Variants in PCDHAC2 observed in about 807,000 individuals in gnomAD.
The protein encoded by PCDHAC2 is protocadherin alpha subfamily C, 2.
PCDHAC2 carries 24 observed loss-of-function variants against 63.3 expected under a neutral mutation model. That is an observed-to-expected ratio of 0.38 (90% CI 0.27 to 0.53). The LOEUF (loss-of-function observed/expected upper bound fraction) is 0.53, where lower values mean the gene tolerates loss of function less well. Among genes scored for constraint, PCDHAC2 ranks in the 20% least tolerant of loss-of-function variants. The pLI is 0.81. For synonymous variants in PCDHAC2, 569 were observed against 529.4 expected (o/e 1.07, Z -1.03); for missense variants, 1,181 against 1,275.2 (o/e 0.93, Z 1.12).
Position 140,967,413 on chromosome 5 carries a change from A to G in PCDHAC2, c.647A>G (p.Asp216Gly). 6.2e-7 allele frequency: 1 copy of G among 1,613,218 alleles called. No individual in the cohort carries two copies. The highest frequency in any genetic ancestry group is 8.5e-7 in the Non-Finnish European group (1 of 1,179,668). ...VLELVLRKGL[D>G]REQAALHHLV... is the part of the protein sequence containing the mutation. ...GAGCTGGTGCTGCGTAAGGGCCTAGACCGGGAGCAGGCAGCCTTGCACCAC... is the reference window on the plus strand; with the variant it reads ...GAGCTGGTGCTGCGTAAGGGCCTAGGCCGGGAGCAGGCAGCCTTGCACCAC... Residue 216 changes from aspartate (D) to glycine (G), a missense_variant, in exon 1 of 4, where the codon GAC becomes GGC. By Grantham distance (94) the Asp-to-Gly change is moderately conservative. Around this residue, in one of 3 missense-constraint regions of PCDHAC2, gnomAD observed 968 missense variants for 1,073.5 expected, o/e 0.90. Coordinates refer to ENST00000289269, the MANE Select transcript of PCDHAC2 (RefSeq NM_018899.6).
At chr5:141,000,011 C>T (rs548995159) in intron 3 of PCDHAC2, among the ~76,000 whole-genome samples, 1 of 152,166 alleles carries the variant, frequency 6.6e-6, no homozygotes, top group East Asian at 1.9e-4. Flanking sequence ...TTGGCCTCCC[C>T]ATTGCTAAGC....
chr5:140,999,527 C>T (rs578180518), intron 3 of PCDHAC2, among the ~76,000 whole-genome samples: 27 of 152,206 alleles, frequency 1.8e-4, no homozygotes, highest in African/African-American at 5.8e-4. Flanking sequence ...TTGTTACCCC[C>T]TGGATATGAC....
intron 1 of PCDHAC2, among the ~76,000 whole-genome samples, chr5:140,978,596 C>T (rs2096811689): frequency 6.6e-6 from 1 of 152,204 alleles, no homozygotes; most frequent in African/African-American, 2.4e-5. Context: ...CTTAATGGGG[C>T]ACTTGAGGGC....
chr5:140,972,244 A>G (rs2096526797), intron 1 of PCDHAC2, among the ~76,000 whole-genome samples: 1 of 151,646 alleles, frequency 6.6e-6, no homozygotes, highest in African/African-American at 2.4e-5. Context: ...GGCTCAAGCA[A>G]TCCTCACACA....
In PCDHAC2 at chr5:141,009,984, G is replaced by A. The variant is rs782207623; in HGVS notation, c.*47G>A. 6.3e-7 allele frequency: 1 copy of A among 1,581,532 alleles called. No homozygotes were observed. Among genetic ancestry groups the A allele is most frequent in the Admixed American group, 1.9e-5 (1 of 53,968 alleles). On this transcript the variant is annotated 3_prime_UTR_variant, in exon 4 of 4. Transcript: ENST00000289269. ...CACTTAGCCAGTTTTTGTAATAATG[G>A]CAAATCTCTCCCATGTAGCAATTCC... is the stretch of plus-strand genomic sequence containing the variant.
chr5:140,966,963 G>C lies in PCDHAC2; in HGVS notation c.197G>C (p.Gly66Ala). Residue 66 changes from glycine to alanine, a missense_variant, in exon 1 of 4, where the codon GGG becomes GCG. Physicochemically the swap from Gly to Ala is moderately conservative, Grantham distance 60 (BLOSUM62 0). Transcript: ENST00000289269. Reference protein sequence around the residue: ...ALVGNVARALGLELRRLGPGC... With the variant: ...ALVGNVARALALELRRLGPGC... Reference sequence around the variant, plus strand: ...GTGGGCAACGTGGCTCGCGCGCTGGGGCTTGAGCTGCGGCGCTTGGGGCCG... The same window carrying C: ...GTGGGCAACGTGGCTCGCGCGCTGGCGCTTGAGCTGCGGCGCTTGGGGCCG... 6.2e-7 allele frequency: 1 copy of C among 1,602,992 alleles called. No homozygotes were observed. The highest frequency in any genetic ancestry group is 8.5e-7 in the Non-Finnish European group (1 of 1,178,164).
rs369620766 is a variant in PCDHAC2 at position 140,966,645 on chromosome 5, C to T, written c.-122C>T. 6.2e-6 allele frequency: 7 copies of T among 1,125,658 alleles called. No individual in the cohort carries two copies. The highest frequency in any genetic ancestry group is 8.2e-6 in the Non-Finnish European group (7 of 852,770). The allele number at this position is 1,125,658 out of a possible 1,614,324, so 69.7% of individuals were successfully genotyped here. A position where few individuals can be genotyped will look rare whatever the true frequency, so the allele number is the denominator to read the frequency against. ...GAGCGGCCCCAGGCGCTTTCTAGAG[C>T]GTGAGCGGTGGGGGAGCAGGCGCAG... is the stretch of plus-strand genomic sequence containing the variant. On this transcript the variant is annotated 5_prime_UTR_variant, in exon 1 of 4. Transcript: ENST00000289269.
At chr5:140,972,316 G>T (rs2096531069) in intron 1 of PCDHAC2, among the ~76,000 whole-genome samples, 2 of 139,864 alleles carry the variant, frequency 1.4e-5, no homozygotes, top group South Asian at 2.3e-4. Flanking sequence ...GTTTTTAGGT[G>T]TTTTTTTTTT....
chr5:140,990,649 T>A (rs1465284882), intron 3 of PCDHAC2, among the ~76,000 whole-genome samples: 1 of 152,330 alleles, frequency 6.6e-6, no homozygotes, highest in South Asian at 2.1e-4. Context: ...TCAGCCAGTA[T>A]GAATGATTTA....
chr5:140,992,216 C>G (rs1554252754), intron 3 of PCDHAC2, among the ~76,000 whole-genome samples: 1 of 152,100 alleles, frequency 6.6e-6, no homozygotes, highest in African/African-American at 2.4e-5. Flanking sequence ...AAACTACTCT[C>G]CCTTCCTGGG....
intron 2 of PCDHAC2, 148 bp from the exon 3 acceptor site, chr5:140,982,327 C>T: frequency 7.0e-7 from 1 of 1,419,146 alleles, no homozygotes; most frequent in Non-Finnish European, 9.4e-7. Context: ...AGGGTGACTG[C>T]TCAGCAGTAA....
chr5:140,970,227 A>T (rs186622858), intron 1 of PCDHAC2, among the ~76,000 whole-genome samples: 190 of 152,300 alleles, frequency 1.2e-3, no homozygotes, highest in African/African-American at 4.2e-3. Flanking sequence ...GCAGCCTGTA[A>T]TCTTCTGATT....
Position 140,992,419 on chromosome 5 carries a change from A to C in PCDHAC2, c.2713+9856A>C, listed in dbSNP as rs554370784. The stretch of plus-strand genomic sequence containing the variant: ...GAGATATTGTTCTGCCCCAGGTCTA[A>C]GAATATTGTTCCAAGAGTTGGGAGC... On this transcript the variant is annotated intron_variant, in intron 3 of 3. Transcript: ENST00000289269. Among the ~76,000 whole-genome samples the C allele has an allele frequency of 3.3e-5, 5 of 152,318 alleles. No individual in the cohort carries two copies. In the East Asian group the frequency reaches 7.7e-4, roughly 23 times the overall value.
At chr5:140,994,387 C>G (rs192635308) in intron 3 of PCDHAC2, among the ~76,000 whole-genome samples, 1 of 152,174 alleles carries the variant, frequency 6.6e-6, no homozygotes, top group South Asian at 2.1e-4. Context: ...GGGACTAAGT[C>G]AGAGATTATT....
At chr5:140,972,514 A>G (rs2096539827) in intron 1 of PCDHAC2, among the ~76,000 whole-genome samples, 1 of 152,260 alleles carries the variant, frequency 6.6e-6, no homozygotes, top group Admixed American at 6.5e-5. Context: ...TTTTACCCCC[A>G]GTGAGCTTAT....
intron 3 of PCDHAC2, among the ~76,000 whole-genome samples, chr5:140,988,417 A>G (rs2097297098): frequency 6.6e-6 from 1 of 152,150 alleles, no homozygotes; most frequent in Non-Finnish European, 1.5e-5. Flanking sequence ...GCTTATGTAA[A>G]GAATTTGTTT....
At chr5:140,976,691 C>G (rs1219355793) in intron 1 of PCDHAC2, among the ~76,000 whole-genome samples, 1 of 152,126 alleles carries the variant, frequency 6.6e-6, no homozygotes. Context: ...AATTTAAGTA[C>G]AATAATGTTG....
At chr5:141,007,985 A>C (rs2153994605) in intron 3 of PCDHAC2, among the ~76,000 whole-genome samples, 1 of 152,322 alleles carries the variant, frequency 6.6e-6, no homozygotes, top group South Asian at 2.1e-4. Context: ...TGTATATATG[A>C]AATGTACATG....
At chr5:140,971,376 C>CT (rs1334633165) in intron 1 of PCDHAC2, among the ~76,000 whole-genome samples, 1 of 152,164 alleles carries the variant, frequency 6.6e-6, no homozygotes, top group Non-Finnish European at 1.5e-5. Context: ...GAGTGCATGA[C>CT]TTTAATAAAG....
Sources: allele counts gnomAD v4.1 joint callset (sites outside exome capture counted in the v4.1 genomes callset), GRCh38; gene constraint gnomAD v4.1.1; regional missense constraint gnomAD v4.1.1; transcripts MANE v1.5; gene names NCBI Gene and HGNC (gene_info 2026-07-23, HGNC 2026-07-21).